Variants in NDUFA10 observed in about 807,000 individuals in gnomAD.
NDUFA10 encodes the protein NADH dehydrogenase [ubiquinone] 1 alpha subcomplex subunit 10, mitochondrial.
NDUFA10 carries 40 observed loss-of-function variants against 47.8 expected under a neutral mutation model. That is an observed-to-expected ratio of 0.84 (90% confidence interval 0.65 to 1.09). The LOEUF is 1.09. NDUFA10 is among the 50% of genes least tolerant of loss of function. The pLI is 0.00. For synonymous variants in NDUFA10, 183 were observed against 172.2 expected, an observed-to-expected ratio of 1.06 and a Z score of -0.49; for missense variants, 413 against 451.1, an observed-to-expected ratio of 0.92 and a Z score of 0.76.
At chr2:239,898,997 T>C (rs1341633419) in intron 4 of NDUFA10, among the ~76,000 whole-genome samples, 1 of 111,422 alleles carries the variant, frequency 9.0e-6, no homozygotes, top group African/African-American at 3.3e-5. Flanking sequence ...AGAGGTGTGA[T>C]GGAGAGGTGT....
At chr2:239,972,137 ATG>A (rs4149568) in intron 9 of NDUFA10, among the ~76,000 whole-genome samples, 11,471 of 150,470 alleles carry the variant, frequency 0.076, 518 homozygotes, top group African/African-American at 0.12. Flanking sequence ...TTCATGAAGG[ATG>A]TGTGTGTGTG....
chr2:239,990,907 A>G (rs1051713595), intron 8 of NDUFA10, among the ~76,000 whole-genome samples: 9 of 150,276 alleles, frequency 6.0e-5, no homozygotes, highest in Admixed American at 2.0e-4. Context: ...CAGCTTTTGG[A>G]AAAAAAAACA....
chr2:239,911,307 C>T (rs568989745), intron 4 of NDUFA10, among the ~76,000 whole-genome samples: 8 of 152,294 alleles, frequency 5.3e-5, no homozygotes, highest in Non-Finnish European at 7.4e-5. Context: ...TCCCCCAGGG[C>T]GGCAGGCGAC....
At chr2:239,926,514 C>T (rs761531425) in intron 4 of NDUFA10, among the ~76,000 whole-genome samples, 12 of 152,120 alleles carry the variant, frequency 7.9e-5, no homozygotes, top group Non-Finnish European at 1.8e-4. Flanking sequence ...CAATTATGTA[C>T]AGTACATAAT....
chr2:239,959,372 T>C lies in NDUFA10; in HGVS notation c.*1746A>G, dbSNP rs748134391. 6.7e-5 allele frequency: 66 copies of C among 985,352 alleles called. No individual in the cohort carries two copies. Among genetic ancestry groups the C allele is most frequent in the Non-Finnish European group, 8.0e-5 (66 of 829,966 alleles). 61.0% of individuals were successfully genotyped at this position (985,352 alleles called of 1,614,324 possible). ...AAGGTTGAAGGAAACAGCTAGCTCT[T>C]TGCAGCCAAAGACATTAGGAACAGC... On this transcript the variant is annotated 3_prime_UTR_variant, in exon 10 of 10. Transcript: ENST00000252711.
At chr2:239,972,619 A>G (rs186879929) in intron 9 of NDUFA10, among the ~76,000 whole-genome samples, 1 of 152,324 alleles carries the variant, frequency 6.6e-6, no homozygotes, top group East Asian at 1.9e-4. Context: ...TAAATTTTCA[A>G]AAAATCTTTT....
chr2:239,964,944 C>G (rs1695000089), intron 9 of NDUFA10, among the ~76,000 whole-genome samples: 1 of 152,178 alleles, frequency 6.6e-6, no homozygotes, highest in Non-Finnish European at 1.5e-5. Context: ...CCAGCAGGCG[C>G]CTCTCTTAAG....
At chr2:239,972,411 A>C (rs4149559) in intron 9 of NDUFA10, among the ~76,000 whole-genome samples, 111,702 of 151,878 alleles carry the variant, frequency 0.74, 41,277 homozygotes, top group African/African-American at 0.79. Flanking sequence ...AAATACTGCA[A>C]AGTTCTGGGG....
intron 5 of NDUFA10, among the ~76,000 whole-genome samples, chr2:239,894,445 C>T (rs963179632): frequency 6.7e-6 from 1 of 148,830 alleles, no homozygotes; most frequent in African/African-American, 2.4e-5. Flanking sequence ...CCACCTCCTC[C>T]CCAGGATGAG....
downstream of NDUFA10, among the ~76,000 whole-genome samples, chr2:239,956,513 T>C (rs1032511222): frequency 2.0e-5 from 3 of 152,216 alleles, no homozygotes; most frequent in African/African-American, 7.2e-5. Flanking sequence ...CGCTGCCTGC[T>C]GCAATACTGA....
intron 4 of NDUFA10, 135 bp downstream of exon 4, chr2:240,018,418 G>A (rs1449809512): frequency 6.4e-7 from 1 of 1,563,828 alleles, no homozygotes; most frequent in Non-Finnish European, 8.7e-7. Context: ...TTTTCCAGCG[G>A]AGACCGATTA....
intron 9 of NDUFA10, among the ~76,000 whole-genome samples, chr2:239,963,903 G>A (rs772244069): frequency 5.9e-5 from 9 of 152,168 alleles, no homozygotes; most frequent in African/African-American, 1.4e-4. Context: ...CGTGACATAC[G>A]GGGCCTCGCG....
chr2:239,980,382 G>A (rs1695723980), intron 9 of NDUFA10, among the ~76,000 whole-genome samples: 1 of 152,268 alleles, frequency 6.6e-6, no homozygotes, highest in East Asian at 1.9e-4. Context: ...CTCTATCTCT[G>A]GGATAGAACT....
At position 239,916,962 on chromosome 2, in the gene NDUFA10, AT is replaced by A. The variant is rs148139662; in HGVS notation, c.295-21649del. 9.1e-3 allele frequency among the ~76,000 whole-genome samples: 1,394 copies of A among 152,356 alleles called. 24 individuals carry two copies. The highest frequency in any genetic ancestry group is 0.032 in the African/African-American group (1,318 of 41,582). Reference sequence around the variant, plus strand: ...TGCTGGCACCGTCCCAGGCTCTGGCATTACAGGGCAGACATGAAACACTGTG... The same window carrying A: ...TGCTGGCACCGTCCCAGGCTCTGGCATACAGGGCAGACATGAAACACTGTG... On this transcript the variant is annotated intron_variant, in intron 4 of 5. Transcript: ENST00000419408.
chr2:239,996,031 G>A (rs1480974231), intron 8 of NDUFA10, among the ~76,000 whole-genome samples: 1 of 152,178 alleles, frequency 6.6e-6, no homozygotes, highest in African/African-American at 2.4e-5. Context: ...ATCCAGCAGA[G>A]AGAAAATCCG....
At chr2:239,897,350 G>T (rs1013747496) in intron 4 of NDUFA10, among the ~76,000 whole-genome samples, 70 of 152,052 alleles carry the variant, frequency 4.6e-4, no homozygotes, top group African/African-American at 1.5e-3. Context: ...GTGATAAATT[G>T]ATTCTTCCCA....
At chr2:239,924,622 G>A (rs1694040029) in intron 4 of NDUFA10, among the ~76,000 whole-genome samples, 1 of 151,920 alleles carries the variant, frequency 6.6e-6, no homozygotes, top group Non-Finnish European at 1.5e-5. Context: ...AATGATAAAA[G>A]ACTCGGATCC....
chr2:239,908,512 T>C (rs542625787), intron 4 of NDUFA10, among the ~76,000 whole-genome samples: 165 of 152,342 alleles, frequency 1.1e-3, no homozygotes, highest in African/African-American at 3.8e-3. Flanking sequence ...TGCCGCCCAC[T>C]GCTAAGGCAG....
At chr2:239,982,140 C>T (rs1695802704) in intron 9 of NDUFA10, 2 of 1,612,706 alleles carry the variant, frequency 1.2e-6, no homozygotes, top group African/African-American at 1.3e-5. Flanking sequence ...AAGGTCTTCC[C>T]ACCTCCAAAG....
Sources: allele counts gnomAD v4.1 joint callset (sites outside exome capture counted in the v4.1 genomes callset), GRCh38; gene constraint gnomAD v4.1.1; transcripts MANE v1.5; gene names NCBI Gene and HGNC (gene_info 2026-07-23, HGNC 2026-07-21).